SCAMP1: variants seen among roughly 807,000 people sequenced by gnomAD.
SCAMP1 encodes the protein secretory carrier membrane protein 1, also known as secretory carrier-associated membrane protein 1.
A neutral mutation model predicts 41.8 loss-of-function variants in SCAMP1; 15 were observed. The ratio of observed to expected loss-of-function variants is 0.36; its 90% CI spans 0.24 to 0.55. The LOEUF is 0.55. Ranked by LOEUF, SCAMP1 falls within the 20% of genes least tolerant of loss-of-function variation. The probability of loss-of-function intolerance (pLI) is 0.86; values close to 1 mark genes in which losing one functional copy is unlikely to be tolerated. For synonymous variants in SCAMP1, 135 were observed against 136.8 expected (o/e 0.99, Z 0.09); for missense variants, 341 against 412.6 (o/e 0.83, Z 1.50).
In SCAMP1 at chr5:78,450,047, T is replaced by A. The variant is rs777723167; in HGVS notation, c.734+13T>A. 1.2e-4 allele frequency: 165 copies of A among 1,418,816 alleles called. 1 individual carries two copies. Among genetic ancestry groups the A allele is most frequent in the Admixed American group, 4.2e-5 (2 of 48,026 alleles). The allele number at this position is 1,418,816 out of a possible 1,614,324, so 87.9% of individuals were successfully genotyped here. On this transcript the variant is annotated intron_variant, in intron 7 of 8. Coordinates refer to ENST00000621999, the MANE Select transcript of SCAMP1 (RefSeq NM_004866.6). Reference sequence around the variant, plus strand: ...ACTGGGGCAATTGGTAAGTTTTTTTTTTTACTAGTTTTCAGCTTTAATCTA... The same window carrying A: ...ACTGGGGCAATTGGTAAGTTTTTTTATTTACTAGTTTTCAGCTTTAATCTA...
chr5:78,394,180 C>T (rs886515653), intron 2 of SCAMP1, among the ~76,000 whole-genome samples: 1 of 151,994 alleles, frequency 6.6e-6, no homozygotes, highest in African/African-American at 2.4e-5. Flanking sequence ...CATAAAGGGA[C>T]ATGGATAATT....
chr5:78,427,108 G>C (rs544090734), intron 6 of SCAMP1, among the ~76,000 whole-genome samples: 1 of 152,148 alleles, frequency 6.6e-6, no homozygotes, highest in Non-Finnish European at 1.5e-5. Context: ...TTTGGCTCGT[G>C]GTTCTGCAGA....
chr5:78,407,879 CTT>C, intron 2 of SCAMP1, among the ~76,000 whole-genome samples: 1 of 152,234 alleles, frequency 6.6e-6, no homozygotes, highest in Middle Eastern at 3.4e-3. Context: ...CTGATAGTCT[CTT>C]GTTAGTCAAA....
intron 6 of SCAMP1, among the ~76,000 whole-genome samples, chr5:78,438,067 T>C (rs9765388): frequency 0.035 from 5,392 of 152,302 alleles, 347 homozygotes; most frequent in African/African-American, 0.12. Flanking sequence ...GATACCCCTT[T>C]ATCATTTTTT....
At chr5:78,448,158 TCTC>T (rs1156977622) in intron 6 of SCAMP1, among the ~76,000 whole-genome samples, 8 of 110,410 alleles carry the variant, frequency 7.2e-5, no homozygotes, top group Admixed American at 5.0e-4. Flanking sequence ...TCTTCCTCCT[TCTC>T]CTCCTCCTCC....
At chr5:78,470,510 A>G (rs940323595) in intron 8 of SCAMP1, among the ~76,000 whole-genome samples, 2 of 152,180 alleles carry the variant, frequency 1.3e-5, no homozygotes, top group Non-Finnish European at 2.9e-5. Flanking sequence ...ATTCATTTTT[A>G]AGACTGAATA....
intron 1 of SCAMP1, among the ~76,000 whole-genome samples, chr5:78,380,946 A>G (rs1751190418): frequency 6.6e-6 from 1 of 152,172 alleles, no homozygotes; most frequent in Non-Finnish European, 1.5e-5. Context: ...CATGCTTGTA[A>G]TCCCAGCTAC....
At chr5:78,430,326 C>T (rs971852823) in intron 6 of SCAMP1, among the ~76,000 whole-genome samples, 2 of 148,802 alleles carry the variant, frequency 1.3e-5, no homozygotes, top group Admixed American at 6.8e-5. Context: ...TCTAGTATAT[C>T]GTGATTATAT....
chr5:78,362,487 C>T (rs1486304783), intron 1 of SCAMP1, among the ~76,000 whole-genome samples: 3 of 152,152 alleles, frequency 2.0e-5, no homozygotes, highest in Non-Finnish European at 4.4e-5. Flanking sequence ...AATTCTAAAC[C>T]CAGGAGTTGT....
intron 1 of SCAMP1, among the ~76,000 whole-genome samples, chr5:78,371,631 A>G (rs1750945614): frequency 6.6e-6 from 1 of 152,168 alleles, no homozygotes; most frequent in South Asian, 2.1e-4. Context: ...AACTGCTTCT[A>G]AGTCTTTGCA....
At chr5:78,394,092 G>C (rs1468541171) in intron 2 of SCAMP1, among the ~76,000 whole-genome samples, 1 of 152,128 alleles carries the variant, frequency 6.6e-6, no homozygotes, top group African/African-American at 2.4e-5. Context: ...CTGTCACATA[G>C]AGCAGAGAGA....
rs1752641337 is a variant in SCAMP1 at position 78,432,183 on chromosome 5, G to A, written c.632+10223G>A. 2.0e-5 allele frequency among the ~76,000 whole-genome samples: 3 copies of A among 151,802 alleles called. No homozygotes were observed. In the South Asian group the frequency reaches 6.2e-4, roughly 32 times the overall value. On this transcript the variant is annotated intron_variant, in intron 6 of 8. Transcript: ENST00000621999. ...TCTATCTCTATGTGTCACTACTTTTGCTTTAGATTTTAATTTTAATTTGCT... is the reference window on the plus strand; with the variant it reads ...TCTATCTCTATGTGTCACTACTTTTACTTTAGATTTTAATTTTAATTTGCT...
At chr5:78,367,362 A>G (rs766513669) in intron 1 of SCAMP1, among the ~76,000 whole-genome samples, 21 of 152,038 alleles carry the variant, frequency 1.4e-4, no homozygotes, top group African/African-American at 3.4e-4. Flanking sequence ...CTTTTTTTTA[A>G]TGTTCTTTTC....
At chr5:78,421,761 G>A in intron 5 of SCAMP1, 40 bp from the exon 6 acceptor site, 1 of 1,550,574 alleles carries the variant, frequency 6.4e-7, no homozygotes, top group Non-Finnish European at 8.8e-7. Flanking sequence ...TAAATTGAAT[G>A]TAAATCTTTC....
intron 8 of SCAMP1, among the ~76,000 whole-genome samples, chr5:78,471,423 C>A (rs994336893): frequency 2.0e-5 from 3 of 152,050 alleles, no homozygotes; most frequent in Non-Finnish European, 2.9e-5. Flanking sequence ...TAGGCTTAGA[C>A]GTCCATACTT....
chr5:78,474,659 C>G (rs1233669675), intron 8 of SCAMP1, among the ~76,000 whole-genome samples: 1 of 152,166 alleles, frequency 6.6e-6, no homozygotes, highest in African/African-American at 2.4e-5. Context: ...AGTCAAGCTT[C>G]TAATTTAGAT....
chr5:78,434,110 G>A (rs1315300329), intron 6 of SCAMP1, among the ~76,000 whole-genome samples: 1 of 152,212 alleles, frequency 6.6e-6, no homozygotes, highest in Admixed American at 6.5e-5. Context: ...AATGAGGCCA[G>A]CCTCCTGTCT....
intron 5 of SCAMP1, among the ~76,000 whole-genome samples, chr5:78,421,329 A>G (rs1219761374): frequency 1.3e-5 from 2 of 152,190 alleles, no homozygotes; most frequent in East Asian, 1.9e-4. Context: ...ATCCTTATAC[A>G]TTGACTATAT....
chr5:78,372,380 C>T (rs952105552), intron 1 of SCAMP1, among the ~76,000 whole-genome samples: 2 of 152,062 alleles, frequency 1.3e-5, no homozygotes, highest in Non-Finnish European at 1.5e-5. Flanking sequence ...GTTAAGCTTC[C>T]CAGGCCAGTG....
Sources: allele counts gnomAD v4.1 joint callset (sites outside exome capture counted in the v4.1 genomes callset), GRCh38; gene constraint gnomAD v4.1.1; transcripts MANE v1.5; gene names NCBI Gene and HGNC (gene_info 2026-07-23, HGNC 2026-07-21).